The following ITGBL1 variants were observed in gnomAD, a reference collection of about 807,000 sequenced individuals.
ITGBL1 encodes the protein integrin beta-like protein 1.
Under a neutral mutation model 68.5 loss-of-function variants are expected in ITGBL1, and 51 were observed. The ratio of observed to expected loss-of-function variants is 0.74; its 90% CI spans 0.59 to 0.94. The LOEUF is 0.94. ITGBL1 is among the 40% of genes least tolerant of loss of function. The probability of loss-of-function intolerance (pLI) is 0.00; values close to 1 mark genes in which losing one functional copy is unlikely to be tolerated. For synonymous variants in ITGBL1, 209 were observed against 227.3 expected (o/e 0.92, Z 0.72); for missense variants, 649 against 647.4 (o/e 1.00, Z -0.03).
At chr13:101,480,284 G>T (rs999180591) in intron 2 of ITGBL1, among the ~76,000 whole-genome samples, 5 of 151,982 alleles carry the variant, frequency 3.3e-5, no homozygotes, top group Non-Finnish European at 5.9e-5. Flanking sequence ...TTGAATTCAT[G>T]GATACAGAGA....
chr13:101,646,782 A>G (rs1297261717), intron 7 of ITGBL1, among the ~76,000 whole-genome samples: 2 of 152,164 alleles, frequency 1.3e-5, no homozygotes, highest in East Asian at 3.9e-4. Flanking sequence ...AAACAAAACA[A>G]AAAGGAAAAA....
At chr13:101,561,282 CAG>C (rs1307727545) in intron 2 of ITGBL1, among the ~76,000 whole-genome samples, 1 of 152,104 alleles carries the variant, frequency 6.6e-6, no homozygotes, top group Non-Finnish European at 1.5e-5. Flanking sequence ...CTTTTGAAAA[CAG>C]ATCCAGGAAG....
At chr13:101,493,617 C>T (rs1016051635) in intron 2 of ITGBL1, among the ~76,000 whole-genome samples, 2 of 152,146 alleles carry the variant, frequency 1.3e-5, no homozygotes, top group East Asian at 3.9e-4. Flanking sequence ...CCTGTTCATC[C>T]TGCCAATATA....
intron 7 of ITGBL1, among the ~76,000 whole-genome samples, chr13:101,619,021 G>A (rs1277067239): frequency 6.6e-6 from 1 of 152,018 alleles, no homozygotes; most frequent in Non-Finnish European, 1.5e-5. Context: ...AGACTTTAAG[G>A]AGTCCTTCTG....
intron 9 of ITGBL1, chr13:101,713,953 T>C (rs2034596451): frequency 6.4e-6 from 1 of 155,370 alleles, no homozygotes; most frequent in Non-Finnish European, 1.4e-5. Context: ...GCAGGTGTGC[T>C]CCTACTCCAA....
rs117481239 is a variant in ITGBL1 at position 101,452,896 on chromosome 13, G to A, written c.63G>A (p.Leu21=). The A allele has an allele frequency of 5.0e-5, 81 of 1,614,208 alleles. No homozygotes were observed. The highest frequency in any genetic ancestry group is 6.4e-5 in the Non-Finnish European group (75 of 1,180,034). The change falls in exon 1 of 11, where the codon TTG becomes TTA. Residue 21 remains leucine, a synonymous_variant. Transcript: ENST00000376180. ...CGTCCTCCCTTCTCTTTGCTGGGTT[G>A]TCAGCTGTTCCTCAAAGCTTCTCGC... ...LLASSLLFAG[L]SAVPQSFSPS... is the part of the protein sequence containing the mutation.
intron 8 of ITGBL1, among the ~76,000 whole-genome samples, chr13:101,703,174 T>TAAA (rs11364711): frequency 8.9e-5 from 13 of 145,460 alleles, no homozygotes; most frequent in African/African-American, 3.0e-4. Flanking sequence ...CCACAGGAGG[T>TAAA]AAAAAAAAAA....
intron 7 of ITGBL1, among the ~76,000 whole-genome samples, chr13:101,651,302 A>G (rs1223376478): frequency 6.6e-6 from 1 of 152,082 alleles, no homozygotes; most frequent in Non-Finnish European, 1.5e-5. Context: ...CAACCTCTCC[A>G]GCATCTGTTG....
At chr13:101,624,902 T>G (rs1386891954) in intron 7 of ITGBL1, among the ~76,000 whole-genome samples, 1 of 152,236 alleles carries the variant, frequency 6.6e-6, no homozygotes, top group Non-Finnish European at 1.5e-5. Context: ...AAATACAATC[T>G]GTGAATTCTG....
At chr13:101,512,305 C>T (rs9582498) in intron 2 of ITGBL1, among the ~76,000 whole-genome samples, 3,351 of 152,160 alleles carry the variant, frequency 0.022, 127 homozygotes, top group African/African-American at 0.076. Context: ...TGGGTCCACT[C>T]GTGCTTCTCC....
intron 6 of ITGBL1, among the ~76,000 whole-genome samples, chr13:101,593,259 CAAAAG>C (rs1020915720): frequency 2.7e-5 from 4 of 150,828 alleles, no homozygotes; most frequent in Admixed American, 1.3e-4. Flanking sequence ...TAAAAAAAGA[CAAAAG>C]AAAACAAATG....
At chr13:101,490,408 G>A (rs1413688665) in intron 2 of ITGBL1, among the ~76,000 whole-genome samples, 3 of 152,164 alleles carry the variant, frequency 2.0e-5, no homozygotes, top group Admixed American at 2.0e-4. Flanking sequence ...AGCTGACTAA[G>A]ACACACTTGA....
intron 9 of ITGBL1, chr13:101,712,754 C>T (rs1288368402): frequency 2.6e-5 from 4 of 152,134 alleles, no homozygotes; most frequent in Non-Finnish European, 5.9e-5. Flanking sequence ...GTTAAACAAG[C>T]AGTAGAGTGC....
chr13:101,629,941 G>A (rs764092339), intron 7 of ITGBL1, among the ~76,000 whole-genome samples: 55 of 152,230 alleles, frequency 3.6e-4, no homozygotes, highest in Admixed American at 7.9e-4. Flanking sequence ...TCCTGCCTCA[G>A]CCTCCTGAGT....
intron 6 of ITGBL1, among the ~76,000 whole-genome samples, chr13:101,590,620 A>G (rs553750079): frequency 6.6e-6 from 1 of 152,280 alleles, no homozygotes; most frequent in African/African-American, 2.4e-5. Flanking sequence ...AGTGTCAACA[A>G]GCAATGTTAT....
chr13:101,527,931 T>A (rs1446179039), intron 2 of ITGBL1, among the ~76,000 whole-genome samples: 1 of 151,950 alleles, frequency 6.6e-6, no homozygotes, highest in Admixed American at 6.6e-5. Flanking sequence ...TTGGCAGGTA[T>A]ACATATTGCA....
chr13:101,535,646 C>T lies in ITGBL1; in HGVS notation c.317-32053C>T, dbSNP rs562430548. On this transcript the variant is annotated intron_variant, in intron 2 of 10. Transcript: ENST00000376180. ...TAAGTTGAGAGTTCATATATCAGAA[C>T]TGAAAACATGTTGAAGCTAATTGAC... Among the ~76,000 whole-genome samples, 7 of 152,142 alleles carry T rather than the reference C, an allele frequency of 4.6e-5. No individual in the cohort carries two copies. In the East Asian group the frequency reaches 1.4e-3, roughly 29 times the overall value.
At chr13:101,716,494 T>G (rs1446466490), downstream of ITGBL1, 1 of 152,208 alleles carries the variant, frequency 6.6e-6, no homozygotes, top group Non-Finnish European at 1.5e-5. Flanking sequence ...TGAATTGTTA[T>G]TCAGGGATAT....
intron 7 of ITGBL1, among the ~76,000 whole-genome samples, chr13:101,600,833 G>A (rs899279455): frequency 9.9e-5 from 15 of 152,068 alleles, no homozygotes; most frequent in Non-Finnish European, 4.4e-5. Context: ...TGCTGGTTTC[G>A]GTTTGCCAGT....
Sources: gnomAD v4.1 joint callset for allele counts (sites outside exome capture counted in the v4.1 genomes callset) on GRCh38, gnomAD v4.1.1 for gene constraint, MANE v1.5 for transcripts, NCBI Gene and HGNC (gene_info 2026-07-23, HGNC 2026-07-21) for gene names.